Variants in NFATC3 observed in about 807,000 individuals in gnomAD.
The protein encoded by NFATC3 is nuclear factor of activated T cells 3, also known as nuclear factor of activated T-cells, cytoplasmic 3.
NFATC3 carries 46 observed loss-of-function variants against 98.6 expected under a neutral mutation model. That is an observed-to-expected ratio of 0.47 (90% CI 0.37 to 0.60). The LOEUF (loss-of-function observed/expected upper bound fraction) is 0.60, where lower values mean the gene tolerates loss of function less well. Among genes scored for constraint, NFATC3 ranks in the 20% least tolerant of loss-of-function variants. NFATC3 has a pLI of 0.00. For synonymous variants in NFATC3, 512 were observed against 472.2 expected, an observed-to-expected ratio of 1.08 and a Z score of -1.09; for missense variants, 1,256 against 1,295.5, an observed-to-expected ratio of 0.97 and a Z score of 0.47.
intron 3 of NFATC3, among the ~76,000 whole-genome samples, chr16:68,147,138 G>A (rs2038077967): frequency 6.6e-6 from 1 of 152,144 alleles, no homozygotes; most frequent in Non-Finnish European, 1.5e-5. Context: ...TTTTATCAAA[G>A]TATAAAAAGC....
intron 8 of NFATC3, among the ~76,000 whole-genome samples, chr16:68,187,794 T>G (rs957992584): frequency 6.6e-6 from 1 of 152,076 alleles, no homozygotes; most frequent in Non-Finnish European, 1.5e-5. Context: ...GGGCCATGGG[T>G]GGGCCCAGAA....
At chr16:68,170,933 T>C (rs945942468) in intron 5 of NFATC3, among the ~76,000 whole-genome samples, 2 of 152,262 alleles carry the variant, frequency 1.3e-5, no homozygotes, top group African/African-American at 4.8e-5. Flanking sequence ...TCTTCTGTTA[T>C]TAAATATTCT....
chr16:68,149,560 A>G (rs1340181243), intron 3 of NFATC3, among the ~76,000 whole-genome samples: 1 of 152,232 alleles, frequency 6.6e-6, no homozygotes, highest in Admixed American at 6.5e-5. Context: ...GCAAACACTG[A>G]AAGTTCAAAA....
chr16:68,098,739 G>A (rs976890774), intron 1 of NFATC3, among the ~76,000 whole-genome samples: 2 of 152,130 alleles, frequency 1.3e-5, no homozygotes, highest in African/African-American at 4.8e-5. Context: ...ATTCTAACAG[G>A]TGTGTAGTGT....
At chr16:68,135,325 G>C (rs894352171) in intron 3 of NFATC3, among the ~76,000 whole-genome samples, 1 of 151,924 alleles carries the variant, frequency 6.6e-6, no homozygotes, top group African/African-American at 2.4e-5. Context: ...GAGCGTGTTG[G>C]TGGGCACCTG....
chr16:68,124,148 C>T (rs2036701607), intron 2 of NFATC3, among the ~76,000 whole-genome samples: 1 of 152,174 alleles, frequency 6.6e-6, no homozygotes, highest in Non-Finnish European at 1.5e-5. Flanking sequence ...GTTGCCCAGA[C>T]TGGAGTGCAG....
rs1044479422 is a variant in NFATC3, at chr16:68,156,828, A to T, written c.1402-1041A>T. On this transcript the variant is annotated intron_variant, in intron 3 of 9. Coordinates refer to ENST00000346183, the MANE Select transcript of NFATC3 (RefSeq NM_173165.3). The stretch of plus-strand genomic sequence containing the variant: ...TTGGTGGGTGCCTGTAATCCCAGCT[A>T]CTCGGGAGGCTGAGGCAGGAAAATC... Among the ~76,000 whole-genome samples, 4 of 151,768 alleles carry T rather than the reference A, an allele frequency of 2.6e-5. 1 individual carries two copies. In the East Asian group the frequency reaches 7.8e-4, roughly 30 times the overall value.
intron 1 of NFATC3, among the ~76,000 whole-genome samples, chr16:68,110,115 C>T (rs1013792979): frequency 6.6e-6 from 1 of 152,088 alleles, no homozygotes; most frequent in African/African-American, 2.4e-5. Flanking sequence ...AGCAATTCTC[C>T]TGCTTCAGCC....
chr16:68,138,477 T>C (rs758557281), intron 3 of NFATC3: 128 of 1,255,860 alleles, frequency 1.0e-4, no homozygotes, highest in Middle Eastern at 1.0e-3. Context: ...TTTTTAAAAG[T>C]TTATTTTGCA....
intron 3 of NFATC3, among the ~76,000 whole-genome samples, chr16:68,141,145 T>G (rs1325295660): frequency 6.6e-6 from 1 of 152,226 alleles, no homozygotes; most frequent in Non-Finnish European, 1.5e-5. Context: ...TATCTCATTT[T>G]TTTTATGGCT....
chr16:68,129,060 A>G (rs894334677), intron 3 of NFATC3, among the ~76,000 whole-genome samples: 4 of 152,174 alleles, frequency 2.6e-5, no homozygotes, highest in Admixed American at 2.6e-4. Context: ...GTGCCACTGC[A>G]CTCCAGCCTG....
chr16:68,206,644 A>C (rs1262814020), intron 9 of NFATC3, among the ~76,000 whole-genome samples: 3 of 152,156 alleles, frequency 2.0e-5, no homozygotes, highest in Non-Finnish European at 2.9e-5. Flanking sequence ...AATAATATTC[A>C]ATTTTTTGTG....
At chr16:68,221,965 T>C (rs2041879439) in intron 9 of NFATC3, among the ~76,000 whole-genome samples, 1 of 151,892 alleles carries the variant, frequency 6.6e-6, no homozygotes, top group Non-Finnish European at 1.5e-5. Flanking sequence ...GTCAGGAAAA[T>C]AGAAGCATTG....
chr16:68,097,268 C>T (rs1446695320), intron 1 of NFATC3, among the ~76,000 whole-genome samples: 2 of 152,134 alleles, frequency 1.3e-5, no homozygotes, highest in African/African-American at 4.8e-5. Context: ...AAGACATGGC[C>T]CTTGCCTTCA....
intron 9 of NFATC3, chr16:68,191,986 A>G (rs2040426883): frequency 3.8e-6 from 2 of 529,988 alleles, no homozygotes; most frequent in East Asian, 3.5e-5. Context: ...AGGCGGGTGG[A>G]TCACAAGGTC....
chr16:68,199,585 T>C (rs2040827794), intron 9 of NFATC3, among the ~76,000 whole-genome samples: 1 of 149,394 alleles, frequency 6.7e-6, no homozygotes, highest in Admixed American at 6.7e-5. Context: ...GAAGTGTTTT[T>C]TGGTTTGTTT....
chr16:68,158,108 C>A (rs1184652315), intron 4 of NFATC3, 40 bp downstream of exon 4: 2 of 1,343,738 alleles, frequency 1.5e-6, no homozygotes, highest in Non-Finnish European at 2.0e-6. Context: ...TTCTTTTTTT[C>A]TCTATACTTT....
chr16:68,162,807 G>A (rs1422868468), intron 4 of NFATC3, among the ~76,000 whole-genome samples: 1 of 151,674 alleles, frequency 6.6e-6, no homozygotes, highest in African/African-American at 2.4e-5. Flanking sequence ...GATTTGGCAG[G>A]GTCATAGGAC....
chr16:68,134,981 C>T (rs2037311382), intron 3 of NFATC3, among the ~76,000 whole-genome samples: 1 of 149,774 alleles, frequency 6.7e-6, no homozygotes, highest in African/African-American at 2.4e-5. Flanking sequence ...CTGATACAGT[C>T]TCTTTTTTTT....
Sources: allele counts gnomAD v4.1 joint callset (sites outside exome capture counted in the v4.1 genomes callset), GRCh38; gene constraint gnomAD v4.1.1; transcripts MANE v1.5; gene names NCBI Gene and HGNC (gene_info 2026-07-23, HGNC 2026-07-21).